The following TECPR2 variants were observed in gnomAD, a reference collection of about 807,000 sequenced individuals.
TECPR2 encodes the protein tectonin beta-propeller repeat-containing protein 2.
TECPR2 carries 65 observed loss-of-function variants against 138.1 expected under a neutral mutation model. The observed-to-expected ratio is 0.47, with a 90% CI of 0.39 to 0.58. The LOEUF is 0.58. Ranked by LOEUF, TECPR2 falls within the 20% of genes least tolerant of loss-of-function variation. The pLI is 0.00. For synonymous variants in TECPR2, 746 were observed against 749.8 expected (o/e 0.99, Z 0.08); for missense variants, 1,553 against 1,824.5 (o/e 0.85, Z 2.71).
At chr14:102,481,737 C>T (rs938876430) in intron 17 of TECPR2, among the ~76,000 whole-genome samples, 4 of 152,174 alleles carry the variant, frequency 2.6e-5, no homozygotes, top group African/African-American at 7.2e-5. Context: ...CAGTTCTTTT[C>T]GCTGCCTGTC....
At position 102,438,084 on chromosome 14, in the gene TECPR2, C is replaced by G. The variant is rs765475573; in HGVS notation, c.2457C>G (p.Ser819=). 7.4e-6 allele frequency: 12 copies of G among 1,614,156 alleles called. No homozygotes were observed. In the East Asian group the frequency reaches 2.2e-4, roughly 30 times the overall value. Residue 819 remains serine (S), a synonymous_variant, in exon 10 of 20, where the codon TCC becomes TCG. Coordinates refer to ENST00000359520, the MANE Select transcript of TECPR2 (RefSeq NM_014844.5). ...PGYGILSLVV[S]EKYIWCLDYK... ...ATGGCATCCTCAGCTTGGTGGTCTCCGAGAAGTATATCTGGTGCCTGGACT... is the reference window on the plus strand; with the variant it reads ...ATGGCATCCTCAGCTTGGTGGTCTCGGAGAAGTATATCTGGTGCCTGGACT...
At chr14:102,495,535 C>T (rs1891256840) in intron 17 of TECPR2, among the ~76,000 whole-genome samples, 1 of 152,160 alleles carries the variant, frequency 6.6e-6, no homozygotes, top group South Asian at 2.1e-4. Flanking sequence ...GGCCTGTGAT[C>T]ACTCTGCAAA....
chr14:102,493,168 A>G (rs1277369711), intron 17 of TECPR2, among the ~76,000 whole-genome samples: 1 of 152,190 alleles, frequency 6.6e-6, no homozygotes, highest in African/African-American at 2.4e-5. Flanking sequence ...TTGACTTACT[A>G]TTCAAAAGCT....
intron 1 of TECPR2, among the ~76,000 whole-genome samples, chr14:102,369,045 G>T (rs1026044929): frequency 6.6e-6 from 1 of 152,146 alleles, no homozygotes; most frequent in Admixed American, 6.5e-5. Flanking sequence ...GCAGCCCTGC[G>T]CTCCCTCCCT....
intron 18 of TECPR2, 37 bp downstream of exon 18, chr14:102,497,157 G>T (rs1891305812): frequency 1.3e-6 from 2 of 1,595,346 alleles, no homozygotes; most frequent in Non-Finnish European, 1.7e-6. Flanking sequence ...GTGCCGGCCA[G>T]CCGGGGCTAC....
chr14:102,438,984 C>T (rs1384243567), intron 10 of TECPR2, among the ~76,000 whole-genome samples: 2 of 151,882 alleles, frequency 1.3e-5, no homozygotes, highest in African/African-American at 4.8e-5. Flanking sequence ...GCCTCAGCCT[C>T]CCCAGTAGCT....
At chr14:102,408,673 A>G in intron 4 of TECPR2, 54 bp downstream of exon 4, 1 of 1,525,828 alleles carries the variant, frequency 6.6e-7, no homozygotes, top group South Asian at 1.3e-5. Context: ...ATTTGGAAAA[A>G]CTATATTTAT....
intron 13 of TECPR2, among the ~76,000 whole-genome samples, chr14:102,448,247 A>G (rs1890041006): frequency 6.6e-6 from 1 of 152,188 alleles, no homozygotes; most frequent in Non-Finnish European, 1.5e-5. Flanking sequence ...GGCGTGAGCC[A>G]CTGTGCCCGA....
At chr14:102,474,671 AC>A (rs1258742805) in intron 17 of TECPR2, among the ~76,000 whole-genome samples, 1 of 152,190 alleles carries the variant, frequency 6.6e-6, no homozygotes, top group African/African-American at 2.4e-5. Context: ...ATTAAAATTT[AC>A]CATGTTTTCC....
intron 2 of TECPR2, among the ~76,000 whole-genome samples, chr14:102,405,890 C>T (rs1294998810): frequency 6.6e-6 from 1 of 151,846 alleles, no homozygotes; most frequent in Admixed American, 6.6e-5. Context: ...CACGGATGAA[C>T]CTTGAAGATA....
At position 102,384,690 on chromosome 14, in the gene TECPR2, T is replaced by A. The variant is rs1423381695; in HGVS notation, c.219+7750T>A. Among the ~76,000 whole-genome samples, 153 of 142,000 alleles carry A rather than the reference T, an allele frequency of 1.1e-3. 1 individual carries two copies. In the Middle Eastern group the frequency reaches 0.015, roughly 14 times the overall value. The allele number at this position is 142,000 out of a possible 152,430, so 93.2% of individuals were successfully genotyped here. A position where few individuals can be genotyped will look rare whatever the true frequency, so the allele number is the denominator to read the frequency against. On this transcript the variant is annotated intron_variant, in intron 2 of 19. Coordinates refer to ENST00000359520, the MANE Select transcript of TECPR2 (RefSeq NM_014844.5). ...AGACACCACCTCAAAAAAAAATATA[T>A]ATATATATATGTGTGTGTGTGTGTA...
At chr14:102,439,366 T>TCTCTG (rs1310261969) in intron 10 of TECPR2, among the ~76,000 whole-genome samples, 1 of 152,188 alleles carries the variant, frequency 6.6e-6, no homozygotes, top group Non-Finnish European at 1.5e-5. Context: ...TTCTCCCTGG[T>TCTCTG]CTCTGTCACT....
intron 17 of TECPR2, among the ~76,000 whole-genome samples, chr14:102,478,940 C>T (rs570446629): frequency 4.6e-5 from 7 of 150,970 alleles, no homozygotes; most frequent in African/African-American, 1.5e-4. Flanking sequence ...TTGCTTGAGC[C>T]CAGGAGGCGG....
At chr14:102,377,696 A>C (rs1401240809) in intron 2 of TECPR2, among the ~76,000 whole-genome samples, 1 of 151,982 alleles carries the variant, frequency 6.6e-6, no homozygotes, top group Non-Finnish European at 1.5e-5. Flanking sequence ...ACAGAGTGAG[A>C]CTCCATCTTA....
At chr14:102,436,034 C>T (rs1889661093) in intron 9 of TECPR2, among the ~76,000 whole-genome samples, 1 of 152,234 alleles carries the variant, frequency 6.6e-6, no homozygotes, top group African/African-American at 2.4e-5. Context: ...TTTGTCAGTG[C>T]TCACCATGTG....
chr14:102,494,195 A>G (rs1891222694), intron 17 of TECPR2, among the ~76,000 whole-genome samples: 2 of 152,140 alleles, frequency 1.3e-5, no homozygotes, highest in African/African-American at 4.8e-5. Context: ...GGGAGCAGCG[A>G]AGGGAGCCCC....
At chr14:102,406,228 C>T (rs549444890) in intron 2 of TECPR2, among the ~76,000 whole-genome samples, 39 of 152,116 alleles carry the variant, frequency 2.6e-4, no homozygotes, top group Non-Finnish European at 3.4e-4. Flanking sequence ...GGTAATTTTA[C>T]GTTATGTGTA....
chr14:102,460,755 C>T (rs1439953767), intron 16 of TECPR2, among the ~76,000 whole-genome samples: 2 of 145,708 alleles, frequency 1.4e-5, no homozygotes, highest in Non-Finnish European at 3.0e-5. Flanking sequence ...AGTGCAGTGG[C>T]ACGATCTCCG....
intron 9 of TECPR2, chr14:102,437,270 G>C (rs899729422): frequency 3.3e-6 from 3 of 897,444 alleles, no homozygotes; most frequent in African/African-American, 3.6e-5. Context: ...AGCAAGGTCG[G>C]GCACAGTGGC....
Sources: allele counts gnomAD v4.1 joint callset (sites outside exome capture counted in the v4.1 genomes callset), GRCh38; gene constraint gnomAD v4.1.1; transcripts MANE v1.5; gene names NCBI Gene and HGNC (gene_info 2026-07-23, HGNC 2026-07-21).